The following KYNU variants were observed in gnomAD, a reference collection of about 807,000 sequenced individuals.
KYNU encodes the protein kynureninase, also known as L-kynurenine hydrolase.
Under a neutral mutation model 59.2 loss-of-function variants are expected in KYNU, and 54 were observed. The ratio of observed to expected loss-of-function variants is 0.91; its 90% CI spans 0.73 to 1.14. The LOEUF (loss-of-function observed/expected upper bound fraction) is 1.14. Among genes scored for constraint, KYNU ranks in the 50% most tolerant of loss-of-function variants. The probability of loss-of-function intolerance (pLI) is 0.00; values close to 1 mark genes in which losing one functional copy is unlikely to be tolerated. For synonymous variants in KYNU, 177 were observed against 192.0 expected, an observed-to-expected ratio of 0.92 and a Z score of 0.65; for missense variants, 567 against 554.4, an observed-to-expected ratio of 1.02 and a Z score of -0.23.
rs1687114320 is a variant in KYNU, at chr2:143,043,592, A to G, written c.*1420A>G. ...CATGTACCATGTATTGTGCTACATT[A>G]CTCATGTTATCTCCCTTAATTGAGT... is the stretch of plus-strand genomic sequence containing the variant. On this transcript the variant is annotated 3_prime_UTR_variant, in exon 14 of 14. Coordinates refer to ENST00000264170, the MANE Select transcript of KYNU (RefSeq NM_003937.3). 6.6e-6 allele frequency: 1 copy of G among 151,574 alleles called. No individual in the cohort carries two copies. The highest frequency in any genetic ancestry group is 2.4e-5 in the African/African-American group (1 of 41,322). The allele number at this position is 151,574 out of a possible 1,614,324, so 9.4% of individuals were successfully genotyped here.
intron 6 of KYNU, 43 bp from the exon 7 acceptor site, chr2:142,957,598 G>A: frequency 2.6e-6 from 3 of 1,139,758 alleles, no homozygotes; most frequent in Non-Finnish European, 4.0e-6. Context: ...GTACTTCTGT[G>A]CTCTCAGCTT....
intron 2 of KYNU, among the ~76,000 whole-genome samples, chr2:142,906,718 T>A (rs766723573): frequency 5.3e-5 from 8 of 152,098 alleles, no homozygotes; most frequent in Non-Finnish European, 1.0e-4. Flanking sequence ...AAGAAAGTCA[T>A]GGTTAGGACC....
chr2:143,007,154 T>G (rs1308411140), intron 10 of KYNU, among the ~76,000 whole-genome samples: 1 of 151,482 alleles, frequency 6.6e-6, no homozygotes, highest in Non-Finnish European at 1.5e-5. Flanking sequence ...AGTTGAAAAC[T>G]TCGAAAAAAA....
chr2:142,986,890 G>C (rs1383749938), intron 10 of KYNU, among the ~76,000 whole-genome samples: 1 of 151,792 alleles, frequency 6.6e-6, no homozygotes, highest in Non-Finnish European at 1.5e-5. Context: ...AATAGGCTTT[G>C]GAGCACCTCA....
rs750134354 is a variant in KYNU, at chr2:143,029,627, A to T, written c.903A>T (p.Ala301=). 6.3e-7 allele frequency: 1 copy of T among 1,594,302 alleles called. No homozygotes were observed. Among genetic ancestry groups the T allele is most frequent in the African/African-American group, 1.3e-5 (1 of 74,504 alleles). Residue 301 remains alanine, a splice_region_variant and synonymous_variant, in exon 11 of 14, where the codon GCA becomes GCT. Coordinates refer to ENST00000264170, the MANE Select transcript of KYNU (RefSeq NM_003937.3). ...HEKHAHTIKP[A]LVGWFGHELS... ...CCTAATGTTTTTATTTATATTTTAG[A>T]TTAGTGGGATGGTTTGGCCATGAAC...
intron 4 of KYNU, among the ~76,000 whole-genome samples, chr2:142,946,001 G>A (rs1448977825): frequency 2.0e-5 from 3 of 152,060 alleles, no homozygotes; most frequent in Admixed American, 2.0e-4. Context: ...GCCTCCCAAA[G>A]TGCTAGGATT....
At chr2:142,988,080 G>A (rs578181128) in intron 10 of KYNU, among the ~76,000 whole-genome samples, 1 of 151,866 alleles carries the variant, frequency 6.6e-6, no homozygotes, top group East Asian at 1.9e-4. Context: ...GTCTCAGGCA[G>A]TTGTTTGTAG....
intron 8 of KYNU, among the ~76,000 whole-genome samples, chr2:142,969,536 G>A (rs1356565379): frequency 5.3e-5 from 8 of 152,194 alleles, no homozygotes; most frequent in Non-Finnish European, 1.2e-4. Context: ...CCAAGAATCT[G>A]AAAATTTTGA....
chr2:142,920,079 T>TA (rs1682823854), intron 3 of KYNU, among the ~76,000 whole-genome samples: 1 of 152,016 alleles, frequency 6.6e-6, no homozygotes, highest in Admixed American at 6.6e-5. Flanking sequence ...AATAAATAAA[T>TA]AATGTTTAGC....
At position 143,045,871 on chromosome 2, in the gene KYNU, T is replaced by C. The variant is rs1011262885; in HGVS notation, c.*3699T>C. ...TTCAGTTCTCATGGAACAAGCAGCT[T>C]AGTAGGAGAAACATATGTTGAACTT... is the stretch of plus-strand genomic sequence containing the variant. On this transcript the variant is annotated 3_prime_UTR_variant, in exon 14 of 14. Transcript: ENST00000264170. The C allele has an allele frequency of 6.6e-6, 1 of 152,064 alleles. No homozygotes were observed. The highest frequency in any genetic ancestry group is 1.5e-5 in the Non-Finnish European group (1 of 67,996). 9.4% of individuals were successfully genotyped at this position (152,064 alleles called of 1,614,324 possible). A position where few individuals can be genotyped will look rare whatever the true frequency, so the allele number is the denominator to read the frequency against.
chr2:143,017,099 G>A (rs1209780937), intron 10 of KYNU, among the ~76,000 whole-genome samples: 1 of 152,086 alleles, frequency 6.6e-6, no homozygotes, highest in African/African-American at 2.4e-5. Flanking sequence ...TATTATGACT[G>A]TATAGTATTC....
chr2:142,919,143 G>A (rs963776959), intron 3 of KYNU, among the ~76,000 whole-genome samples: 1 of 152,190 alleles, frequency 6.6e-6, no homozygotes, highest in African/African-American at 2.4e-5. Flanking sequence ...TGAATCCATA[G>A]AGAGGGAATC....
intron 10 of KYNU, chr2:142,988,877 C>T (rs887864028): frequency 6.2e-7 from 1 of 1,608,310 alleles, no homozygotes; most frequent in African/African-American, 1.3e-5. Context: ...GAATGGAATG[C>T]AACAGATTTG....
chr2:142,921,748 G>A (rs1035720116), intron 3 of KYNU, among the ~76,000 whole-genome samples: 44 of 152,184 alleles, frequency 2.9e-4, no homozygotes, highest in African/African-American at 1.1e-3. Flanking sequence ...GGTCAAGGCT[G>A]CAGTAAGCTG....
intron 9 of KYNU, among the ~76,000 whole-genome samples, chr2:142,985,539 T>C (rs1347504136): frequency 6.6e-6 from 1 of 151,872 alleles, no homozygotes. Context: ...GAGAATCAAC[T>C]TAGAATTCAT....
chr2:143,006,510 G>C (rs374673529), intron 10 of KYNU, among the ~76,000 whole-genome samples: 7,790 of 41,332 alleles, frequency 0.19, 267 homozygotes, highest in East Asian at 0.32. Flanking sequence ...GGCTTGATTA[G>C]GTAAACAAAG....
chr2:142,959,675 C>T (rs1171408123), intron 7 of KYNU, among the ~76,000 whole-genome samples: 1 of 151,836 alleles, frequency 6.6e-6, no homozygotes, highest in Non-Finnish European at 1.5e-5. Flanking sequence ...TTTTTCAGCT[C>T]AAGTTGTTTG....
chr2:143,038,628 T>C (rs1370272276), intron 12 of KYNU, among the ~76,000 whole-genome samples: 1 of 152,162 alleles, frequency 6.6e-6, no homozygotes, highest in Non-Finnish European at 1.5e-5. Flanking sequence ...GGAGTTGTGG[T>C]TGAAGAGAGA....
intron 10 of KYNU, among the ~76,000 whole-genome samples, chr2:143,018,620 G>C (rs564370756): frequency 1.3e-5 from 2 of 152,184 alleles, no homozygotes; most frequent in South Asian, 4.1e-4. Flanking sequence ...GTCTATTTGG[G>C]CTCTTTTTTG....
Sources: gnomAD v4.1 joint callset for allele counts (sites outside exome capture counted in the v4.1 genomes callset) on GRCh38, gnomAD v4.1.1 for gene constraint, MANE v1.5 for transcripts, NCBI Gene and HGNC (gene_info 2026-07-23, HGNC 2026-07-21) for gene names.